BBS9: variants seen among roughly 807,000 people sequenced by gnomAD.
BBS9 encodes protein PTHB1.
Under a neutral mutation model 117.7 loss-of-function variants are expected in BBS9, and 89 were observed. The ratio of observed to expected loss-of-function variants is 0.76; its 90% CI spans 0.64 to 0.90. The LOEUF is 0.90. BBS9 is among the 40% of genes least tolerant of loss of function. BBS9 has a pLI of 0.00. For missense variants in BBS9, 982 were observed against 1,042.2 expected (o/e 0.94, Z 0.80); for synonymous variants, 379 against 370.9 (o/e 1.02, Z -0.25).
At chr7:33,401,142 A>G (rs944287628) in intron 19 of BBS9, among the ~76,000 whole-genome samples, 7 of 152,110 alleles carry the variant, frequency 4.6e-5, no homozygotes, top group African/African-American at 1.7e-4. Flanking sequence ...ACTCCACCCC[A>G]TCTCATCTAG....
intron 19 of BBS9, among the ~76,000 whole-genome samples, chr7:33,416,401 AAAAG>A (rs1255453239): frequency 6.6e-6 from 1 of 151,816 alleles, no homozygotes; most frequent in Non-Finnish European, 1.5e-5. Context: ...TAAAACTATA[AAAAG>A]AAAGAGAAAT....
intron 5 of BBS9, among the ~76,000 whole-genome samples, chr7:33,218,005 A>T (rs149752631): frequency 2.0e-5 from 3 of 152,380 alleles, no homozygotes; most frequent in African/African-American, 7.2e-5. Context: ...TAAATTGTGT[A>T]TACAATTTTA....
intron 19 of BBS9, among the ~76,000 whole-genome samples, chr7:33,484,030 C>A (rs1368891104): frequency 6.6e-6 from 1 of 152,102 alleles, no homozygotes; most frequent in Non-Finnish European, 1.5e-5. Flanking sequence ...CTAAATAATT[C>A]TTTGGTATTA....
chr7:33,270,861 A>T (rs1359792200), intron 7 of BBS9, among the ~76,000 whole-genome samples: 1 of 152,100 alleles, frequency 6.6e-6, no homozygotes, highest in Non-Finnish European at 1.5e-5. Context: ...AATGCAGAGA[A>T]CCCCTGCAAG....
intron 5 of BBS9, among the ~76,000 whole-genome samples, chr7:33,190,787 A>G (rs1477328093): frequency 6.6e-6 from 1 of 152,190 alleles, no homozygotes; most frequent in African/African-American, 2.4e-5. Flanking sequence ...CACCAAAGGA[A>G]TGTGATTAAC....
intron 19 of BBS9, among the ~76,000 whole-genome samples, chr7:33,404,452 G>A (rs1009152730): frequency 3.3e-5 from 5 of 151,658 alleles, no homozygotes; most frequent in Non-Finnish European, 7.4e-5. Context: ...CCATTTTCAC[G>A]GTATTGATTC....
chr7:33,491,348 T>C (rs962321266), intron 19 of BBS9, among the ~76,000 whole-genome samples: 1 of 152,168 alleles, frequency 6.6e-6, no homozygotes, highest in East Asian at 1.9e-4. Flanking sequence ...TTAAAGTGTT[T>C]ATCAAAAATG....
intron 9 of BBS9, among the ~76,000 whole-genome samples, chr7:33,309,786 T>A (rs1808823603): frequency 6.6e-6 from 1 of 152,198 alleles, no homozygotes; most frequent in Non-Finnish European, 1.5e-5. Flanking sequence ...TATTGGAGGT[T>A]ACAGACTAGG....
chr7:33,597,450 T>C (rs929791561), intron 21 of BBS9, among the ~76,000 whole-genome samples: 1 of 116,362 alleles, frequency 8.6e-6, no homozygotes, highest in Admixed American at 7.2e-5. Flanking sequence ...TCCTCTTAAA[T>C]ATATGAAGAA....
At chr7:33,290,307 C>G (rs1803765971) in intron 9 of BBS9, among the ~76,000 whole-genome samples, 1 of 152,248 alleles carries the variant, frequency 6.6e-6, no homozygotes, top group African/African-American at 2.4e-5. Context: ...TGTGAGTGAT[C>G]AAGCAGCTGC....
At chr7:33,392,140 TCTA>T (rs1235774021) in intron 19 of BBS9, among the ~76,000 whole-genome samples, 2 of 152,236 alleles carry the variant, frequency 1.3e-5, no homozygotes, top group East Asian at 3.8e-4. Flanking sequence ...ATTCCATTCT[TCTA>T]CTGAGCTAAA....
chr7:33,279,891 G>A (rs1801487152), intron 9 of BBS9, among the ~76,000 whole-genome samples: 2 of 152,172 alleles, frequency 1.3e-5, no homozygotes, highest in South Asian at 4.1e-4. Context: ...TCATTTATCA[G>A]TAATGTTACT....
At chr7:33,251,040 A>G (rs1056328181) in intron 5 of BBS9, among the ~76,000 whole-genome samples, 1 of 152,126 alleles carries the variant, frequency 6.6e-6, no homozygotes, top group African/African-American at 2.4e-5. Context: ...TTAGCTTGTG[A>G]TGTCTCTCAG....
Position 33,562,535 on chromosome 7 carries a change from T to C in BBS9, c.2521+28359T>C, listed in dbSNP as rs561414636. ...TAGGTCAAGGAGGTGCCTTATTATATGGTACAGCCCCAAATCCTAAACTGA... is the reference window on the plus strand; with the variant it reads ...TAGGTCAAGGAGGTGCCTTATTATACGGTACAGCCCCAAATCCTAAACTGA... On this transcript the variant is annotated intron_variant, in intron 21 of 22. Coordinates refer to ENST00000242067, the MANE Select transcript of BBS9 (RefSeq NM_198428.3). 9.8e-5 allele frequency among the ~76,000 whole-genome samples: 15 copies of C among 152,310 alleles called. No individual in the cohort carries two copies. In the South Asian group the frequency reaches 2.5e-3, roughly 25 times the overall value.
At chr7:33,295,018 A>G (rs1330684856) in intron 9 of BBS9, among the ~76,000 whole-genome samples, 4 of 152,148 alleles carry the variant, frequency 2.6e-5, no homozygotes, top group Non-Finnish European at 4.4e-5. Flanking sequence ...CATTTTATTT[A>G]GGAGCTTTTT....
At chr7:33,175,322 A>T (rs557132690) in intron 4 of BBS9, among the ~76,000 whole-genome samples, 1 of 151,784 alleles carries the variant, frequency 6.6e-6, no homozygotes, top group Admixed American at 6.6e-5. Context: ...ATAAAAAAAA[A>T]AACAACAAAA....
chr7:33,400,332 T>C (rs2128788123), intron 19 of BBS9, among the ~76,000 whole-genome samples: 1 of 152,290 alleles, frequency 6.6e-6, no homozygotes, highest in South Asian at 2.1e-4. Context: ...GAAAATCTTA[T>C]CTTTTTGTGT....
intron 21 of BBS9, among the ~76,000 whole-genome samples, chr7:33,537,442 G>A (rs776917397): frequency 6.6e-6 from 1 of 152,102 alleles, no homozygotes; most frequent in East Asian, 1.9e-4. Context: ...CTTTTCTGGT[G>A]AACTTTTTGT....
chr7:33,630,683 T>C (rs921806326), intron 21 of BBS9, among the ~76,000 whole-genome samples: 3 of 152,164 alleles, frequency 2.0e-5, no homozygotes, highest in African/African-American at 7.2e-5. Flanking sequence ...TGGAGCCAAG[T>C]TCCTTCATCA....
Sources: gnomAD v4.1 joint callset for allele counts (sites outside exome capture counted in the v4.1 genomes callset) on GRCh38, gnomAD v4.1.1 for gene constraint, MANE v1.5 for transcripts, NCBI Gene and HGNC (gene_info 2026-07-23, HGNC 2026-07-21) for gene names.